PGM5: variants seen among roughly 807,000 people sequenced by gnomAD.
The protein encoded by PGM5 is phosphoglucomutase-like protein 5.
PGM5 carries 23 observed loss-of-function variants against 59.2 expected under a neutral mutation model. The observed-to-expected ratio is 0.39, with a 90% CI of 0.28 to 0.55. PGM5 has a LOEUF of 0.55. PGM5 is among the 20% of genes least tolerant of loss of function. The pLI, the probability that PGM5 is intolerant of heterozygous loss-of-function variation, is 0.66. For missense variants in PGM5, 574 were observed against 748.3 expected (o/e 0.77, Z 2.72); for synonymous variants, 214 against 286.0 (o/e 0.75, Z 2.54).
chr9:68,421,717 A>AAAAACAAAGC (rs1373876156), intron 6 of PGM5, among the ~76,000 whole-genome samples: 22 of 152,136 alleles, frequency 1.4e-4, no homozygotes, highest in Admixed American at 1.1e-3. Context: ...ACTCCGTCTC[A>AAAAACAAAGC]AAAACAAAGC....
chr9:68,517,016 C>A (rs1444898115), intron 10 of PGM5, among the ~76,000 whole-genome samples: 1 of 151,728 alleles, frequency 6.6e-6, no homozygotes, highest in African/African-American at 2.4e-5. Context: ...GGACTACAGG[C>A]ATGCACCACC....
intron 10 of PGM5, among the ~76,000 whole-genome samples, chr9:68,516,897 G>A (rs999589366): frequency 1.1e-4 from 17 of 152,042 alleles, no homozygotes; most frequent in Non-Finnish European, 2.2e-4. Flanking sequence ...TTGAGACAGA[G>A]TTTCGCTCTT....
At chr9:68,448,003 A>G (rs1823641370) in intron 6 of PGM5, among the ~76,000 whole-genome samples, 1 of 152,202 alleles carries the variant, frequency 6.6e-6, no homozygotes. Flanking sequence ...GTTTGTTGCA[A>G]ACCTATAGAA....
At chr9:68,469,124 G>A (rs1424231414) in intron 7 of PGM5, among the ~76,000 whole-genome samples, 3 of 152,126 alleles carry the variant, frequency 2.0e-5, no homozygotes, top group African/African-American at 7.2e-5. Flanking sequence ...CACCATATTG[G>A]CCAGGCTGGT....
At chr9:68,493,040 T>C (rs782440792) in intron 9 of PGM5, among the ~76,000 whole-genome samples, 2 of 152,186 alleles carry the variant, frequency 1.3e-5, no homozygotes, top group Non-Finnish European at 2.9e-5. Flanking sequence ...CAACTGACTA[T>C]ATATGCGACA....
intron 1 of PGM5, among the ~76,000 whole-genome samples, chr9:68,360,999 G>T (rs1251040414): frequency 1.3e-5 from 2 of 152,184 alleles, no homozygotes; most frequent in Non-Finnish European, 1.5e-5. Context: ...GCTCATTGCA[G>T]CCTCAAATTC....
At chr9:68,508,441 AC>A in intron 10 of PGM5, among the ~76,000 whole-genome samples, 2 of 152,334 alleles carry the variant, frequency 1.3e-5, no homozygotes, top group South Asian at 4.1e-4. Flanking sequence ...ATATAAGGAA[AC>A]CTAAAAATGT....
At chr9:68,402,969 T>C (rs1554680792) in intron 6 of PGM5, among the ~76,000 whole-genome samples, 1 of 152,206 alleles carries the variant, frequency 6.6e-6, no homozygotes, top group African/African-American at 2.4e-5. Context: ...ACTTTACCTG[T>C]CATGCTGAGG....
At chr9:68,455,605 T>G in intron 6 of PGM5, among the ~76,000 whole-genome samples, 1 of 152,168 alleles carries the variant, frequency 6.6e-6, no homozygotes, top group East Asian at 1.9e-4. Flanking sequence ...TACAGTTGGC[T>G]TCAGGAGCAT....
At chr9:68,512,845 C>T (rs1396785807) in intron 10 of PGM5, among the ~76,000 whole-genome samples, 1 of 152,224 alleles carries the variant, frequency 6.6e-6, no homozygotes, top group Admixed American at 6.5e-5. Flanking sequence ...TGCACAAAAG[C>T]CGCCACAGGT....
chr9:68,463,361 G>A (rs1468382723), intron 6 of PGM5, among the ~76,000 whole-genome samples: 4 of 152,056 alleles, frequency 2.6e-5, no homozygotes, highest in African/African-American at 9.7e-5. Context: ...CTGTTCGTAG[G>A]CATTTGGTGT....
intron 1 of PGM5, among the ~76,000 whole-genome samples, chr9:68,365,656 C>A (rs2770892): frequency 6.6e-6 from 1 of 152,124 alleles, no homozygotes; most frequent in East Asian, 1.9e-4. Context: ...CTTTTACTTT[C>A]TCTTTTTAAG....
chr9:68,523,036 G>A (rs777872833), intron 10 of PGM5, among the ~76,000 whole-genome samples: 4 of 152,142 alleles, frequency 2.6e-5, no homozygotes, highest in Admixed American at 6.5e-5. Context: ...CTAACTGTCC[G>A]TTCTTTCATT....
intron 7 of PGM5, among the ~76,000 whole-genome samples, chr9:68,477,468 C>T (rs1211805113): frequency 6.6e-6 from 1 of 152,146 alleles, no homozygotes; most frequent in Non-Finnish European, 1.5e-5. Context: ...AGCTCTGTGG[C>T]GTTGCGTCTC....
In PGM5 at chr9:68,422,108, T is replaced by A. The variant is rs560897544; in HGVS notation, c.1043+29635T>A. Among the ~76,000 whole-genome samples, 18 of 151,622 alleles carry A rather than the reference T, an allele frequency of 1.2e-4. No individual in the cohort carries two copies. In the East Asian group the frequency reaches 3.1e-3, roughly 26 times the overall value. On this transcript the variant is annotated intron_variant, in intron 6 of 10. Transcript: ENST00000396396. ...TAATTTTTAAATGTAAAAAAAAAAATTTAGAAGCTATATATTAAGAGACCT... is the reference window on the plus strand; with the variant it reads ...TAATTTTTAAATGTAAAAAAAAAAAATTAGAAGCTATATATTAAGAGACCT...
intron 10 of PGM5, among the ~76,000 whole-genome samples, chr9:68,525,806 C>G (rs891696607): frequency 8.5e-5 from 13 of 152,256 alleles, no homozygotes; most frequent in Non-Finnish European, 1.8e-4. Context: ...CCTATTATCC[C>G]AGCACTTTGG....
At chr9:68,375,524 C>G (rs1821856787) in intron 1 of PGM5, among the ~76,000 whole-genome samples, 1 of 152,240 alleles carries the variant, frequency 6.6e-6, no homozygotes. Flanking sequence ...TCTTGCCCCC[C>G]TTCAAGGTAT....
At chr9:68,383,548 T>A (rs550447269) in intron 2 of PGM5, among the ~76,000 whole-genome samples, 1 of 151,884 alleles carries the variant, frequency 6.6e-6, no homozygotes, top group Non-Finnish European at 1.5e-5. Flanking sequence ...GATTGAGATA[T>A]TTTAAAAATC....
rs1824624185 is a variant in PGM5 at position 68,504,388 on chromosome 9, C to T, written c.1614+5027C>T. On this transcript the variant is annotated intron_variant, in intron 10 of 10. Coordinates refer to ENST00000396396, the MANE Select transcript of PGM5 (RefSeq NM_021965.4). Reference sequence around the variant, plus strand: ...CCCCTCCACCTCATTTAGAGAAGAGCCCAAACCCTTACCATGATCTTGAAT... The same window carrying T: ...CCCCTCCACCTCATTTAGAGAAGAGTCCAAACCCTTACCATGATCTTGAAT... Among the ~76,000 whole-genome samples the T allele has an allele frequency of 5.3e-5, 8 of 152,284 alleles. No individual in the cohort carries two copies. The South Asian group carries it at 1.7e-3, about 32-fold the overall frequency.
Sources: gnomAD v4.1 joint callset for allele counts (sites outside exome capture counted in the v4.1 genomes callset) on GRCh38, gnomAD v4.1.1 for gene constraint, MANE v1.5 for transcripts, NCBI Gene and HGNC (gene_info 2026-07-23, HGNC 2026-07-21) for gene names.